Variants in HEATR5B observed in about 807,000 individuals in gnomAD.
The protein encoded by HEATR5B is HEAT repeat-containing protein 5B.
In HEATR5B, 156 loss-of-function variants were observed where a neutral mutation model predicts 224.1. That is an observed-to-expected ratio of 0.70 (90% confidence interval 0.61 to 0.80). The LOEUF (loss-of-function observed/expected upper bound fraction) is 0.80. HEATR5B is among the 30% of genes least tolerant of loss of function. The pLI is 0.00. For missense variants in HEATR5B, 2,323 were observed against 2,535.5 expected, an observed-to-expected ratio of 0.92 and a Z score of 1.80; for synonymous variants, 1,027 against 893.0, an observed-to-expected ratio of 1.15 and a Z score of -2.68.
At chr2:36,994,999 C>T (rs1666594169) in intron 33 of HEATR5B, among the ~76,000 whole-genome samples, 1 of 151,558 alleles carries the variant, frequency 6.6e-6, no homozygotes, top group African/African-American at 2.4e-5. Flanking sequence ...ATCTGTCCAC[C>T]TCGGCCTCCC....
chr2:37,052,902 A>G (rs969316703), intron 17 of HEATR5B, among the ~76,000 whole-genome samples: 1 of 152,262 alleles, frequency 6.6e-6, no homozygotes, highest in Non-Finnish European at 1.5e-5. Context: ...TTGAAAACTT[A>G]TAAATTATTT....
intron 21 of HEATR5B, among the ~76,000 whole-genome samples, chr2:37,037,251 T>C (rs570366448): frequency 2.0e-5 from 3 of 149,774 alleles, no homozygotes; most frequent in Non-Finnish European, 4.5e-5. Flanking sequence ...GTTCAAGCGA[T>C]TCTCCTGCCT....
chr2:36,994,388 G>C (rs958702410), intron 33 of HEATR5B, among the ~76,000 whole-genome samples: 2 of 152,168 alleles, frequency 1.3e-5, no homozygotes, highest in African/African-American at 4.8e-5. Flanking sequence ...ATGTTCACAT[G>C]CATACATATC....
At chr2:37,019,769 T>C (rs1668353034) in intron 26 of HEATR5B, 40 bp downstream of exon 26, 2 of 1,334,698 alleles carry the variant, frequency 1.5e-6, no homozygotes, top group Non-Finnish European at 2.1e-6. Flanking sequence ...TCTATGAATG[T>C]ATAGAAGACA....
intron 6 of HEATR5B, among the ~76,000 whole-genome samples, chr2:37,070,675 C>G (rs933693135): frequency 1.3e-5 from 2 of 152,164 alleles, no homozygotes; most frequent in African/African-American, 4.8e-5. Context: ...ACAAAGCATA[C>G]CCACAGCAGA....
chr2:37,077,913 G>C (rs1572950670), intron 3 of HEATR5B, among the ~76,000 whole-genome samples: 2 of 152,250 alleles, frequency 1.3e-5, no homozygotes, highest in East Asian at 3.9e-4. Context: ...CAGAACACTT[G>C]GAAGAATAAA....
At chr2:37,044,263 C>A (rs1670050856) in intron 18 of HEATR5B, among the ~76,000 whole-genome samples, 1 of 152,106 alleles carries the variant, frequency 6.6e-6, no homozygotes, top group Admixed American at 6.6e-5. Context: ...GCCTTAGGTC[C>A]CTTTGTTGTC....
chr2:36,994,682 T>G (rs1047907962), intron 33 of HEATR5B, among the ~76,000 whole-genome samples: 1 of 152,188 alleles, frequency 6.6e-6, no homozygotes. Flanking sequence ...TTTCCCTTAA[T>G]GAACAATTTC....
At chr2:37,009,739 G>A (rs1342319562) in intron 27 of HEATR5B, among the ~76,000 whole-genome samples, 1 of 150,868 alleles carries the variant, frequency 6.6e-6, no homozygotes, top group Non-Finnish European at 1.5e-5. Context: ...AGTTTTTTCT[G>A]GCTTCCCTCA....
chr2:37,020,011 C>T, intron 25 of HEATR5B, 134 bp from the exon 26 acceptor site: 1 of 586,800 alleles, frequency 1.7e-6, no homozygotes. Context: ...TCAAGCGATT[C>T]TCCTCCCTCA....
chr2:37,074,626 T>C (rs898825381), intron 5 of HEATR5B, among the ~76,000 whole-genome samples: 8 of 152,106 alleles, frequency 5.3e-5, no homozygotes, highest in Non-Finnish European at 7.4e-5. Flanking sequence ...AGGCCACCCA[T>C]TGGGAAAAAT....
At chr2:37,024,207 A>G (rs1361443086) in intron 24 of HEATR5B, among the ~76,000 whole-genome samples, 2 of 152,252 alleles carry the variant, frequency 1.3e-5, no homozygotes, top group East Asian at 3.8e-4. Context: ...TTAATCTAAC[A>G]GAAGTAGAGA....
Position 37,008,783 on chromosome 2 carries a change from AT to A in HEATR5B, c.4349del (p.Asn1450IlefsTer20), listed in dbSNP as rs1558724671. 2 of 1,614,042 alleles carry A rather than the reference AT, an allele frequency of 1.2e-6. No homozygotes were observed. On this transcript the variant is annotated frameshift_variant, in exon 28 of 36. Coordinates refer to ENST00000233099, the MANE Select transcript of HEATR5B (RefSeq NM_019024.3). LOFTEE classifies it high-confidence loss of function. ...AESKPKRAIK[N>X]TDDDDDDCGT... ...CACAGTCGTCATCATCATCGTCAGTATTTTTAATTGCTCTTTTTGGTTTTGA... is the reference window on the plus strand; with the variant it reads ...CACAGTCGTCATCATCATCGTCAGTATTTTAATTGCTCTTTTTGGTTTTGA...
At chr2:37,060,125 T>C (rs1381964546) in intron 12 of HEATR5B, among the ~76,000 whole-genome samples, 1 of 152,242 alleles carries the variant, frequency 6.6e-6, no homozygotes, top group African/African-American at 2.4e-5. Flanking sequence ...AATGTTGATA[T>C]CTGAAAAATA....
intron 18 of HEATR5B, among the ~76,000 whole-genome samples, chr2:37,043,469 G>A (rs935509744): frequency 1.1e-4 from 16 of 152,140 alleles, no homozygotes; most frequent in Admixed American, 5.2e-4. Context: ...AAGCTTTAGC[G>A]AAAAAATAAC....
At chr2:37,020,890 T>C (rs1668419756) in intron 24 of HEATR5B, 54 bp from the exon 25 acceptor site, 1 of 1,005,606 alleles carries the variant, frequency 9.9e-7, no homozygotes, top group East Asian at 2.8e-5. Flanking sequence ...ATAAGTGTAA[T>C]AACATAAAAA....
intron 24 of HEATR5B, among the ~76,000 whole-genome samples, chr2:37,027,289 A>G (rs1668840250): frequency 2.0e-5 from 3 of 152,176 alleles, no homozygotes; most frequent in Non-Finnish European, 4.4e-5. Flanking sequence ...TTACTCTATC[A>G]CCTCTCAATT....
At chr2:37,009,714 G>C (rs1667667178) in intron 27 of HEATR5B, among the ~76,000 whole-genome samples, 1 of 151,602 alleles carries the variant, frequency 6.6e-6, no homozygotes, top group African/African-American at 2.4e-5. Context: ...CATGTTCCTT[G>C]AGTAGCCTTC....
chr2:37,030,336 C>G (rs1307886979), intron 22 of HEATR5B, among the ~76,000 whole-genome samples: 1 of 151,916 alleles, frequency 6.6e-6, no homozygotes, highest in Non-Finnish European at 1.5e-5. Flanking sequence ...GGCACAGAGA[C>G]TTTTTTTTCA....
Sources: gnomAD v4.1 joint callset for allele counts (sites outside exome capture counted in the v4.1 genomes callset) on GRCh38, gnomAD v4.1.1 for gene constraint, MANE v1.5 for transcripts, NCBI Gene and HGNC (gene_info 2026-07-23, HGNC 2026-07-21) for gene names.